VPS53: variants seen among roughly 807,000 people sequenced by gnomAD.
VPS53 encodes the protein VPS53 subunit of GARP complex, also known as vacuolar protein sorting-associated protein 53 homolog.
In VPS53, 70 loss-of-function variants were observed where a neutral mutation model predicts 107.0. The observed-to-expected ratio is 0.65, with a 90% CI of 0.54 to 0.80. The LOEUF (loss-of-function observed/expected upper bound fraction) is 0.80, where lower values mean the gene tolerates loss of function less well. Ranked by LOEUF, VPS53 falls within the 30% of genes least tolerant of loss-of-function variation. VPS53 has a pLI of 0.00. For synonymous variants in VPS53, 409 were observed against 393.3 expected, an observed-to-expected ratio of 1.04 and a Z score of -0.47; for missense variants, 917 against 1,049.4, an observed-to-expected ratio of 0.87 and a Z score of 1.74.
In VPS53 at chr17:623,539, C is replaced by G. The variant is rs139506583; in HGVS notation, c.1110G>C (p.Gly370=). The G allele has an allele frequency of 6.0e-5, 97 of 1,611,896 alleles. No homozygotes were observed. The highest frequency in any genetic ancestry group is 8.1e-5 in the Non-Finnish European group (95 of 1,178,478). ...TCCCTAGGGAAGGTCTTACCAGGGT[C>G]CCATCGGTCAGGGTGCAGCCGGAGA... is the stretch of plus-strand genomic sequence containing the variant. ...KRFSGCTLTD[G]TLKKLESPPP... Residue 370 remains glycine (G), a synonymous_variant, in exon 11 of 22, where the codon GGG becomes GGC. Coordinates refer to ENST00000437048, the MANE Select transcript of VPS53 (RefSeq NM_001128159.3).
intron 2 of VPS53, among the ~76,000 whole-genome samples, chr17:700,954 C>A (rs1419947504): frequency 1.3e-5 from 2 of 152,126 alleles, no homozygotes; most frequent in Non-Finnish European, 2.9e-5. Context: ...ACTGGGTTGT[C>A]ACAGCTCATC....
At chr17:580,562 T>A (rs148967249) in intron 13 of VPS53, among the ~76,000 whole-genome samples, 249 of 150,516 alleles carry the variant, frequency 1.7e-3, no homozygotes, top group African/African-American at 5.9e-3. Context: ...CCTCAGTGCA[T>A]TGCCAGAGAA....
intron 11 of VPS53, among the ~76,000 whole-genome samples, chr17:616,990 T>C (rs1360019907): frequency 6.6e-6 from 1 of 152,148 alleles, no homozygotes; most frequent in African/African-American, 2.4e-5. Context: ...CACCAGGAAG[T>C]AGGGCCCAGC....
intron 19 of VPS53, among the ~76,000 whole-genome samples, chr17:523,858 T>A (rs1288601964): frequency 2.0e-5 from 3 of 152,216 alleles, no homozygotes; most frequent in Non-Finnish European, 4.4e-5. Flanking sequence ...TGGCACTGAT[T>A]GCTCAAGGCC....
rs562653220 is a variant in VPS53, at chr17:536,750, G to A, written c.2015+278C>T. 2.8e-5 allele frequency: 10 copies of A among 352,536 alleles called. No individual in the cohort carries two copies. In the East Asian group the frequency reaches 4.9e-4, roughly 17 times the overall value. 21.8% of individuals were successfully genotyped at this position (352,536 alleles called of 1,614,324 possible). On this transcript the variant is annotated intron_variant, in intron 18 of 21. Transcript: ENST00000437048. ...TATGACACTGAAATGGCGGCCACAC[G>A]TCACTGTACATTTGTCCAAACCGAG...
chr17:633,215 G>A (rs1439082891), intron 7 of VPS53, among the ~76,000 whole-genome samples: 1 of 152,104 alleles, frequency 6.6e-6, no homozygotes. Context: ...TCCCGCAATC[G>A]ATCACGCCCC....
intron 15 of VPS53, among the ~76,000 whole-genome samples, chr17:560,137 T>G (rs1912794879): frequency 6.6e-6 from 1 of 152,188 alleles, no homozygotes; most frequent in African/African-American, 2.4e-5. Context: ...TGGGTTGGAG[T>G]GCTACTGACC....
At chr17:600,352 C>G (rs1287237950) in intron 12 of VPS53, among the ~76,000 whole-genome samples, 2 of 152,248 alleles carry the variant, frequency 1.3e-5, no homozygotes, top group African/African-American at 2.4e-5. Context: ...AGCATGCTCA[C>G]AGGGCAGAGG....
intron 13 of VPS53, among the ~76,000 whole-genome samples, chr17:578,822 C>T (rs1272918063): frequency 1.3e-5 from 2 of 151,384 alleles, no homozygotes; most frequent in Non-Finnish European, 2.9e-5. Flanking sequence ...CAGTGCATTA[C>T]CAGAAAACCT....
At chr17:592,525 G>A (rs186727534) in intron 12 of VPS53, among the ~76,000 whole-genome samples, 2 of 152,204 alleles carry the variant, frequency 1.3e-5, no homozygotes, top group African/African-American at 4.8e-5. Context: ...GCAGTGGCTG[G>A]TACCGGTTGT....
chr17:603,722 T>G (rs924991231), intron 11 of VPS53, among the ~76,000 whole-genome samples: 6 of 152,196 alleles, frequency 3.9e-5, no homozygotes, highest in African/African-American at 1.2e-4. Flanking sequence ...TTTGGCTTCT[T>G]TACCTAACAT....
At chr17:653,507 C>T in intron 6 of VPS53, 97 bp from the exon 7 acceptor site, 2 of 1,565,596 alleles carry the variant, frequency 1.3e-6, no homozygotes. Context: ...CAGATATCAA[C>T]TCAGCTGAAT....
chr17:525,665 G>A (rs1464665829), intron 19 of VPS53, among the ~76,000 whole-genome samples: 3 of 151,574 alleles, frequency 2.0e-5, no homozygotes. Context: ...TTGCACCCCA[G>A]CCTGGGAGAC....
chr17:598,130 C>A (rs1316625122), intron 12 of VPS53, among the ~76,000 whole-genome samples: 1 of 152,246 alleles, frequency 6.6e-6, no homozygotes, highest in East Asian at 1.9e-4. Flanking sequence ...CGCCGCCACA[C>A]CTGACTGGTT....
intron 2 of VPS53, among the ~76,000 whole-genome samples, chr17:701,789 C>G (rs1010562468): frequency 6.6e-6 from 1 of 152,142 alleles, no homozygotes; most frequent in African/African-American, 2.4e-5. Flanking sequence ...TGCAGTGGTG[C>G]AATCATAGCT....
intron 11 of VPS53, among the ~76,000 whole-genome samples, chr17:606,802 A>G (rs1386922979): frequency 6.6e-6 from 1 of 152,076 alleles, no homozygotes; most frequent in African/African-American, 2.4e-5. Context: ...TGAGAATCCA[A>G]TGCCTGATGA....
At chr17:560,821 T>G (rs950339882) in intron 14 of VPS53, among the ~76,000 whole-genome samples, 2 of 152,230 alleles carry the variant, frequency 1.3e-5, no homozygotes, top group Non-Finnish European at 2.9e-5. Context: ...TAGGATGGTC[T>G]AATATCCAAA....
chr17:604,599 A>G (rs1968480159), intron 11 of VPS53, among the ~76,000 whole-genome samples: 1 of 152,168 alleles, frequency 6.6e-6, no homozygotes, highest in Non-Finnish European at 1.5e-5. Context: ...GCACATCACC[A>G]CACCCAAGTA....
chr17:698,804 C>T (rs2143926967), intron 3 of VPS53, among the ~76,000 whole-genome samples: 1 of 152,260 alleles, frequency 6.6e-6, no homozygotes, highest in Admixed American at 6.5e-5. Context: ...TCACAGCTTC[C>T]TTCCTTTTGT....
Sources: allele counts gnomAD v4.1 joint callset (sites outside exome capture counted in the v4.1 genomes callset), GRCh38; gene constraint gnomAD v4.1.1; transcripts MANE v1.5; gene names NCBI Gene and HGNC (gene_info 2026-07-23, HGNC 2026-07-21).